The following PHF20 variants were observed in gnomAD, a reference collection of about 807,000 sequenced individuals.
The protein encoded by PHF20 is glioma-expressed antigen 2.
In PHF20, 23 loss-of-function variants were observed where a neutral mutation model predicts 113.5. That is an observed-to-expected ratio of 0.20 (90% CI 0.15 to 0.29). The LOEUF (loss-of-function observed/expected upper bound fraction) is 0.29, where lower values mean the gene tolerates loss of function less well. Ranked by LOEUF, PHF20 falls within the 10% of genes least tolerant of loss-of-function variation. The pLI, the probability that PHF20 is intolerant of heterozygous loss-of-function variation, is 1.00. For missense variants in PHF20, 943 were observed against 1,219.6 expected, an observed-to-expected ratio of 0.77 and a Z score of 3.38; for synonymous variants, 434 against 457.3, an observed-to-expected ratio of 0.95 and a Z score of 0.65.
chr20:35,879,369 G>A (rs746223315), intron 9 of PHF20, among the ~76,000 whole-genome samples: 8 of 152,100 alleles, frequency 5.3e-5, no homozygotes, highest in Non-Finnish European at 1.2e-4. Context: ...TTTAGTAATT[G>A]CAAATTATAT....
At chr20:35,843,141 C>T (rs538368142) in intron 3 of PHF20, among the ~76,000 whole-genome samples, 23 of 151,478 alleles carry the variant, frequency 1.5e-4, no homozygotes, top group African/African-American at 1.5e-4. Flanking sequence ...ACCAATTTTA[C>T]GGCATTGTAT....
intron 10 of PHF20, among the ~76,000 whole-genome samples, chr20:35,906,094 G>A (rs1372575772): frequency 6.6e-6 from 1 of 152,184 alleles, no homozygotes; most frequent in African/African-American, 2.4e-5. Flanking sequence ...CCTCTCCTGT[G>A]CTTATTATTA....
At chr20:35,850,798 T>C in intron 4 of PHF20, 1 of 813,058 alleles carries the variant, frequency 1.2e-6, no homozygotes. Context: ...GCTAATACAG[T>C]ATTACCATAT....
chr20:35,874,923 G>A (rs1758942919), intron 9 of PHF20, among the ~76,000 whole-genome samples: 1 of 151,838 alleles, frequency 6.6e-6, no homozygotes, highest in African/African-American at 2.4e-5. Flanking sequence ...AACATAGTGA[G>A]ACCCTCCCTC....
chr20:35,940,633 A>T (rs2055959353), intron 16 of PHF20, among the ~76,000 whole-genome samples: 1 of 152,198 alleles, frequency 6.6e-6, no homozygotes, highest in Non-Finnish European at 1.5e-5. Flanking sequence ...TGGCCCAGTC[A>T]GTAGGAAGCA....
intron 1 of PHF20, among the ~76,000 whole-genome samples, chr20:35,776,809 C>T (rs1032975399): frequency 1.3e-5 from 2 of 152,198 alleles, no homozygotes; most frequent in African/African-American, 4.8e-5. Flanking sequence ...AGGCAAGTCA[C>T]TTAATGCTAT....
rs1007304796 is a variant in PHF20, at chr20:35,938,504, A to C, written c.2301-193A>C. 2.7e-5 allele frequency: 16 copies of C among 600,920 alleles called. No individual in the cohort carries two copies. In the East Asian group the frequency reaches 4.3e-4, roughly 16 times the overall value. The allele number at this position is 600,920 out of a possible 1,614,324, so 37.2% of individuals were successfully genotyped here. A position where few individuals can be genotyped will look rare whatever the true frequency, so the allele number is the denominator to read the frequency against. Reference sequence around the variant, plus strand: ...AGTCCCACTCACTGTGTGTGACCACAGTGGGAGCTCACTAAGGAGTGGTCT... The same window carrying C: ...AGTCCCACTCACTGTGTGTGACCACCGTGGGAGCTCACTAAGGAGTGGTCT... On this transcript the variant is annotated intron_variant, in intron 15 of 17. Coordinates refer to ENST00000374012, the MANE Select transcript of PHF20 (RefSeq NM_016436.5).
intron 15 of PHF20, among the ~76,000 whole-genome samples, chr20:35,937,900 G>A (rs1255920262): frequency 6.6e-6 from 1 of 151,952 alleles, no homozygotes; most frequent in Non-Finnish European, 1.5e-5. Flanking sequence ...TTGAGACGGA[G>A]TCTTGCTGTC....
chr20:35,805,221 C>G (rs1016277775), intron 2 of PHF20, among the ~76,000 whole-genome samples: 2 of 151,778 alleles, frequency 1.3e-5, no homozygotes, highest in African/African-American at 2.4e-5. Flanking sequence ...TTTTTCCAGA[C>G]AAGGTCTCAT....
At chr20:35,919,441 G>A (rs2055470523) in intron 13 of PHF20, among the ~76,000 whole-genome samples, 1 of 150,676 alleles carries the variant, frequency 6.6e-6, no homozygotes, top group African/African-American at 2.4e-5. Flanking sequence ...CCGGGTTCAA[G>A]CGATTCTCCT....
chr20:35,947,140 T>C (rs1229364380), intron 17 of PHF20, among the ~76,000 whole-genome samples: 1 of 152,232 alleles, frequency 6.6e-6, no homozygotes, highest in Non-Finnish European at 1.5e-5. Context: ...TAAAATTCAG[T>C]TCCTCAGTTG....
intron 9 of PHF20, among the ~76,000 whole-genome samples, chr20:35,892,584 A>G (rs576170885): frequency 5.3e-5 from 8 of 152,310 alleles, no homozygotes; most frequent in Non-Finnish European, 7.3e-5. Flanking sequence ...CATTTTATTC[A>G]TATATAATAT....
At chr20:35,783,614 C>T (rs542849314) in intron 1 of PHF20, among the ~76,000 whole-genome samples, 7 of 150,812 alleles carry the variant, frequency 4.6e-5, no homozygotes, top group South Asian at 4.2e-4. Context: ...TTTATAGAGA[C>T]GAGGTCTTGC....
intron 10 of PHF20, among the ~76,000 whole-genome samples, chr20:35,911,709 A>C (rs930431766): frequency 1.3e-5 from 2 of 152,132 alleles, no homozygotes; most frequent in African/African-American, 4.8e-5. Context: ...CCCAGGCTGG[A>C]GTGCAATGGT....
At chr20:35,841,479 G>A (rs1177077001) in intron 2 of PHF20, among the ~76,000 whole-genome samples, 5 of 151,770 alleles carry the variant, frequency 3.3e-5, no homozygotes, top group South Asian at 2.1e-4. Flanking sequence ...TTTAATAACC[G>A]CGTAGTATAA....
chr20:35,804,886 T>G (rs996793731), intron 2 of PHF20, among the ~76,000 whole-genome samples: 2 of 151,990 alleles, frequency 1.3e-5, no homozygotes, highest in Non-Finnish European at 2.9e-5. Flanking sequence ...TTATTTTTAT[T>G]TTGTTTTTAT....
chr20:35,869,658 C>G (rs1222368252), intron 7 of PHF20, 107 bp downstream of exon 7: 1 of 722,920 alleles, frequency 1.4e-6, no homozygotes, highest in East Asian at 2.6e-5. Flanking sequence ...ATGTTTGTCT[C>G]TGGTCACATG....
rs200736864 is a variant in PHF20, at chr20:35,914,979, A to C, written c.1825+782A>C. Among the ~76,000 whole-genome samples, 636 of 148,822 alleles carry C rather than the reference A, an allele frequency of 4.3e-3. 8 individuals carry two copies. Among genetic ancestry groups the C allele is most frequent in the South Asian group, 0.032 (153 of 4,726 alleles). ...ACTCCGTCTCAAAAAAAAAAAAAAA[A>C]CAGTAAAATATGTTATATATATACA... On this transcript the variant is annotated intron_variant, in intron 12 of 17. Transcript: ENST00000374012.
At chr20:35,926,690 T>G (rs1215503502) in intron 13 of PHF20, among the ~76,000 whole-genome samples, 1 of 152,180 alleles carries the variant, frequency 6.6e-6, no homozygotes, top group Non-Finnish European at 1.5e-5. Flanking sequence ...TCTGCCCACA[T>G]TGATTCTGAT....
Sources: allele counts gnomAD v4.1 joint callset (sites outside exome capture counted in the v4.1 genomes callset), GRCh38; gene constraint gnomAD v4.1.1; transcripts MANE v1.5; gene names NCBI Gene and HGNC (gene_info 2026-07-23, HGNC 2026-07-21).